Variants in DHX15 observed in about 807,000 individuals in gnomAD.
DHX15 encodes ATP-dependent RNA helicase DHX15.
A neutral mutation model predicts 94.4 loss-of-function variants in DHX15; 11 were observed. That is an observed-to-expected ratio of 0.12 (90% CI 0.07 to 0.19). The LOEUF (loss-of-function observed/expected upper bound fraction) is 0.19. Among genes scored for constraint, DHX15 ranks in the 10% least tolerant of loss-of-function variants. DHX15 has a pLI of 1.00. For missense variants in DHX15, 304 were observed against 988.5 expected, an observed-to-expected ratio of 0.31 and a Z score of 9.29; for synonymous variants, 338 against 329.9, an observed-to-expected ratio of 1.02 and a Z score of -0.27.
chr4:24,576,441 G>A lies in DHX15; in HGVS notation c.309C>T (p.Ala103=), dbSNP rs200761056. Reference sequence around the variant, plus strand: ...GAAGTGACGTGTGACCTGCATGTCCGGCATGCGTTGAATGAGCAGAATGTG... The same window carrying A: ...GAAGTGACGTGTGACCTGCATGTCCAGCATGCGTTGAATGAGCAGAATGTG... ...HSTHSAHSTH[A]GHAGHTSLPQ... is the part of the protein sequence containing the mutation. Residue 103 remains alanine (A), a synonymous_variant, in exon 2 of 14, where the codon GCC becomes GCT. Transcript: ENST00000336812. 4.5e-5 allele frequency: 72 copies of A among 1,614,050 alleles called. 1 individual carries two copies. Among genetic ancestry groups the A allele is most frequent in the South Asian group, 5.5e-5 (5 of 91,088 alleles).
rs148133228 is a variant in DHX15, at chr4:24,546,407, T to C, written c.1248+2448A>G. Reference sequence around the variant, plus strand: ...ACACTAAATATTTAAAAAATAATTATAGTTGTATTTTAATAACAACCAAAT... The same window carrying C: ...ACACTAAATATTTAAAAAATAATTACAGTTGTATTTTAATAACAACCAAAT... On this transcript the variant is annotated intron_variant, in intron 6 of 13. Coordinates refer to ENST00000336812, the MANE Select transcript of DHX15 (RefSeq NM_001358.3). Among the ~76,000 whole-genome samples, 1,229 of 152,330 alleles carry C rather than the reference T, an allele frequency of 8.1e-3. 19 individuals are homozygous for C. The highest frequency in any genetic ancestry group is 0.027 in the African/African-American group (1,135 of 41,588).
chr4:24,567,502 G>A (rs532964620), intron 3 of DHX15, among the ~76,000 whole-genome samples: 18 of 151,752 alleles, frequency 1.2e-4, no homozygotes, highest in Non-Finnish European at 2.1e-4. Flanking sequence ...GCTTGAACCC[G>A]CGAGGTGGAG....
chr4:24,558,254 C>T (rs570178296), intron 3 of DHX15, among the ~76,000 whole-genome samples: 1 of 152,262 alleles, frequency 6.6e-6, no homozygotes, highest in South Asian at 2.1e-4. Flanking sequence ...CCACCAACTA[C>T]AAGACCTCAG....
intron 3 of DHX15, among the ~76,000 whole-genome samples, chr4:24,556,705 A>C (rs1375409577): frequency 6.6e-6 from 1 of 152,228 alleles, no homozygotes; most frequent in Non-Finnish European, 1.5e-5. Context: ...TTTCACATGA[A>C]TGCCAAGGCA....
At chr4:24,560,335 T>C (rs1431387208) in intron 3 of DHX15, among the ~76,000 whole-genome samples, 1 of 152,060 alleles carries the variant, frequency 6.6e-6, no homozygotes, top group Non-Finnish European at 1.5e-5. Flanking sequence ...CCTCAAAGCT[T>C]ATGATCCCTC....
Position 24,574,205 on chromosome 4 carries a change from CAAAAAA to C in DHX15, c.507+2032_507+2037del, listed in dbSNP as rs61031930. ...TGGGTGACAGAGCGAGACTTTGTCT[CAAAAAA>C]AAAAAAAAAAAAAAAAAGTTAAAGT... On this transcript the variant is annotated intron_variant, in intron 2 of 13. Coordinates refer to ENST00000336812, the MANE Select transcript of DHX15 (RefSeq NM_001358.3). 6.3e-3 allele frequency among the ~76,000 whole-genome samples: 437 copies of C among 68,874 alleles called. 10 individuals are homozygous for C. Among genetic ancestry groups the C allele is most frequent in the African/African-American group, 0.022 (410 of 18,330 alleles). The allele number at this position is 68,874 out of a possible 152,430, so 45.2% of individuals were successfully genotyped here. A position where few individuals can be genotyped will look rare whatever the true frequency, so the allele number is the denominator to read the frequency against.
At chr4:24,536,788 A>G (rs1226495749) in intron 11 of DHX15, among the ~76,000 whole-genome samples, 1 of 152,236 alleles carries the variant, frequency 6.6e-6, no homozygotes, top group Non-Finnish European at 1.5e-5. Flanking sequence ...TTAGTGATAC[A>G]TGTTATACAA....
Position 24,576,691 on chromosome 4 carries a change from A to C in DHX15, c.72-13T>G. 4 of 1,607,136 alleles carry C rather than the reference A, an allele frequency of 2.5e-6. No individual in the cohort carries two copies. Among genetic ancestry groups the C allele is most frequent in the Non-Finnish European group, 3.4e-6 (4 of 1,174,944 alleles). On this transcript the variant is annotated splice_polypyrimidine_tract_variant and intron_variant, in intron 1 of 13. Transcript: ENST00000336812. ...ATCTCGATCCTTCCTAAAAACAAAA[A>C]TTTAGAATTCAGATTCTGAATTTTA...
intron 1 of DHX15, among the ~76,000 whole-genome samples, chr4:24,578,950 A>C (rs1027096864): frequency 2.0e-5 from 3 of 152,202 alleles, no homozygotes; most frequent in Non-Finnish European, 4.4e-5. Flanking sequence ...AGAGGTGACA[A>C]AGTAAATCAT....
chr4:24,533,190 A>C (rs865958903), intron 11 of DHX15, 136 bp from the exon 12 acceptor site: 1 of 737,896 alleles, frequency 1.4e-6, no homozygotes, highest in African/African-American at 1.8e-5. Flanking sequence ...ATTTTCTTTA[A>C]ATGAACTGCA....
rs928088929 is a variant in DHX15 at position 24,584,406 on chromosome 4, C to G, written c.-13G>C. 6.2e-7 allele frequency: 1 copy of G among 1,610,196 alleles called. No individual in the cohort carries two copies. The highest frequency in any genetic ancestry group is 8.5e-7 in the Non-Finnish European group (1 of 1,178,546). ...GCCGCTTGGACATCCTCGCACTCTT[C>G]GAACGGGCAGTTATTAAGGAAGAAA... On this transcript the variant is annotated 5_prime_UTR_variant, in exon 1 of 14. Coordinates refer to ENST00000336812, the MANE Select transcript of DHX15 (RefSeq NM_001358.3).
At chr4:24,557,236 G>A (rs1178175461) in intron 3 of DHX15, among the ~76,000 whole-genome samples, 2 of 152,138 alleles carry the variant, frequency 1.3e-5, no homozygotes, top group Admixed American at 1.3e-4. Context: ...ACTGGTTACT[G>A]ATGTCACTAT....
At chr4:24,543,109 C>G in intron 6 of DHX15, 83 bp from the exon 7 acceptor site, 1 of 890,604 alleles carries the variant, frequency 1.1e-6, no homozygotes, top group Admixed American at 2.3e-5. Context: ...CTAACTTTCA[C>G]TGACACAAGG....
intron 1 of DHX15, among the ~76,000 whole-genome samples, chr4:24,583,937 C>T (rs994310043): frequency 6.6e-6 from 1 of 152,218 alleles, no homozygotes; most frequent in Non-Finnish European, 1.5e-5. Flanking sequence ...GCGAATACTC[C>T]CACCGCGCCC....
At chr4:24,564,364 G>A (rs534198253) in intron 3 of DHX15, among the ~76,000 whole-genome samples, 3 of 152,114 alleles carry the variant, frequency 2.0e-5, no homozygotes, top group African/African-American at 4.8e-5. Flanking sequence ...GAGATATTAC[G>A]TGTGCTGTCA....
chr4:24,542,170 C>T, intron 7 of DHX15, 148 bp from the exon 8 acceptor site: 1 of 593,626 alleles, frequency 1.7e-6, no homozygotes. Context: ...AGACAACCCA[C>T]CATCCTGAAC....
At position 24,541,874 on chromosome 4, in the gene DHX15, T is replaced by C; in HGVS notation, c.1484A>G (p.Gln495Arg). The C allele has an allele frequency of 6.3e-7, 1 of 1,588,712 alleles. No individual in the cohort carries two copies. The highest frequency in any genetic ancestry group is 8.6e-7 in the Non-Finnish European group (1 of 1,163,340). ...YTEKAYKTEMQDNTYPEILRS... is the reference protein window; with the variant it reads ...YTEKAYKTEMRDNTYPEILRS... ...GCAGGAAACGACAATACCCCATACC[T>C]GCATTTCTGTTTTATAAGCTTTCTC... Residue 495 changes from glutamine (Q) to arginine (R), a missense_variant and splice_region_variant, in exon 8 of 14, where the codon CAG becomes CGG. Coordinates refer to ENST00000336812, the MANE Select transcript of DHX15 (RefSeq NM_001358.3).
chr4:24,562,131 C>CAAAAAA (rs71196191), intron 3 of DHX15, among the ~76,000 whole-genome samples: 6 of 77,814 alleles, frequency 7.7e-5, no homozygotes, highest in African/African-American at 9.9e-5. Flanking sequence ...GACACTGTCT[C>CAAAAAA]AAAAAAAAAA....
intron 3 of DHX15, among the ~76,000 whole-genome samples, chr4:24,559,018 T>TAGGTACCA (rs1721805187): frequency 6.6e-6 from 1 of 152,132 alleles, no homozygotes; most frequent in Non-Finnish European, 1.5e-5. Context: ...CCTATCAACG[T>TAGGTACCA]GACATTACTC....
Sources: allele counts gnomAD v4.1 joint callset (sites outside exome capture counted in the v4.1 genomes callset), GRCh38; gene constraint gnomAD v4.1.1; transcripts MANE v1.5; gene names NCBI Gene and HGNC (gene_info 2026-07-23, HGNC 2026-07-21).